EIF4G3: variants seen among roughly 807,000 people sequenced by gnomAD.
EIF4G3 encodes eIF-4-gamma 3.
In EIF4G3, 34 loss-of-function variants were observed where a neutral mutation model predicts 186.4. The observed-to-expected ratio is 0.18, with a 90% CI of 0.14 to 0.24. The LOEUF (loss-of-function observed/expected upper bound fraction) is 0.24. Among genes scored for constraint, EIF4G3 ranks in the 10% least tolerant of loss-of-function variants. The pLI is 1.00. For missense variants in EIF4G3, 1,536 were observed against 1,948.5 expected, an observed-to-expected ratio of 0.79 and a Z score of 3.99; for synonymous variants, 673 against 679.5, an observed-to-expected ratio of 0.99 and a Z score of 0.15.
Position 20,941,814 on chromosome 1 carries a change from T to A in EIF4G3, c.1340A>T (p.Glu447Val). 1 of 1,613,932 alleles carries A rather than the reference T, an allele frequency of 6.2e-7. No individual in the cohort carries two copies. The change falls in exon 14 of 37, where the codon GAA becomes GTA. Residue 447 changes from glutamate to valine, a missense_variant. This residue lies in a region of EIF4G3 where 560 missense variants were observed against 547.8 expected (regional missense o/e 1.02). Transcript: ENST00000602326. ...CAGTTTCATTTCTTCTGGGGGATTT[T>A]CGAGAATCTCCAATTCAAGAGTCAA... ...LPLTLELEIL[E>V]NPPEEMKLEC...
At chr1:21,087,014 G>A (rs1273149484) in intron 3 of EIF4G3, among the ~76,000 whole-genome samples, 2 of 151,650 alleles carry the variant, frequency 1.3e-5, no homozygotes, top group Non-Finnish European at 2.9e-5. Flanking sequence ...TAAACACTAT[G>A]TATATGTAAC....
At chr1:21,079,144 C>T (rs1027176979) in intron 3 of EIF4G3, among the ~76,000 whole-genome samples, 5 of 152,116 alleles carry the variant, frequency 3.3e-5, no homozygotes, top group Non-Finnish European at 5.9e-5. Flanking sequence ...ATAGGACAAT[C>T]AAACAGATTT....
chr1:20,968,710 AC>A (rs1189954639), intron 12 of EIF4G3, among the ~76,000 whole-genome samples: 4 of 152,364 alleles, frequency 2.6e-5, no homozygotes, highest in African/African-American at 9.6e-5. Context: ...TTAGAAAAAA[AC>A]ATTTTTAAAT....
In EIF4G3 at chr1:21,058,719, C is replaced by CTTT. The variant is rs66576703; in HGVS notation, c.-195-7728_-195-7726dup. Among the ~76,000 whole-genome samples, 147 of 82,038 alleles carry CTTT rather than the reference C, an allele frequency of 1.8e-3. 10 individuals are homozygous for CTTT. Among genetic ancestry groups the CTTT allele is most frequent in the African/African-American group, 2.4e-3 (45 of 18,742 alleles). 53.8% of individuals were successfully genotyped at this position (82,038 alleles called of 152,430 possible). The stretch of plus-strand genomic sequence containing the variant: ...TTTTCTTCTTCTTCTCTCTCTCTCT[C>CTTT]TTTTTTTTTTTTTTTTTTTTTTTTT... On this transcript the variant is annotated intron_variant, in intron 3 of 36. Transcript: ENST00000602326.
chr1:21,108,837 A>C (rs903708394), intron 2 of EIF4G3, among the ~76,000 whole-genome samples: 1 of 139,296 alleles, frequency 7.2e-6, no homozygotes, highest in Non-Finnish European at 1.5e-5. Flanking sequence ...CGGGAGACAG[A>C]GGTCGCAGTG....
chr1:20,823,183 T>C (rs557284387), intron 33 of EIF4G3, among the ~76,000 whole-genome samples: 15 of 152,158 alleles, frequency 9.9e-5, no homozygotes. Context: ...TAGATTTGTA[T>C]ATTTTATCAC....
chr1:20,877,670 G>A (rs1057106576), intron 20 of EIF4G3, among the ~76,000 whole-genome samples: 37 of 151,984 alleles, frequency 2.4e-4, no homozygotes, highest in African/African-American at 8.2e-4. Flanking sequence ...GCCAAACACT[G>A]GGCTAGAAAT....
chr1:21,043,376 G>A (rs192489213), intron 4 of EIF4G3, among the ~76,000 whole-genome samples: 4 of 152,300 alleles, frequency 2.6e-5, no homozygotes, highest in Non-Finnish European at 1.5e-5. Context: ...TTCCAGCCAT[G>A]TGAATTTGCC....
chr1:20,975,221 G>A (rs1238863949), intron 10 of EIF4G3, among the ~76,000 whole-genome samples: 5 of 152,054 alleles, frequency 3.3e-5, no homozygotes, highest in Admixed American at 6.6e-5. Flanking sequence ...TAGCAATTAT[G>A]TGCTACTTTA....
chr1:20,881,457 T>C (rs937291708), intron 19 of EIF4G3, among the ~76,000 whole-genome samples: 2 of 152,110 alleles, frequency 1.3e-5, no homozygotes, highest in Admixed American at 6.6e-5. Flanking sequence ...AAAAGCACAA[T>C]CATGAAAGAA....
Position 20,851,548 on chromosome 1 carries a change from A to G in EIF4G3, c.3552-70T>C. 3 of 1,429,392 alleles carry G rather than the reference A, an allele frequency of 2.1e-6. No homozygotes were observed. The Admixed American group carries it at 5.7e-5, about 27-fold the overall frequency. The allele number at this position is 1,429,392 out of a possible 1,614,324, so 88.5% of individuals were successfully genotyped here. On this transcript the variant is annotated intron_variant, in intron 27 of 36. Transcript: ENST00000602326. ...GTCCCCCACATATTCAAATTATAAA[A>G]TAACACTAAGACTTTCTGAAAGTAT...
At chr1:20,917,236 C>T (rs1392358484) in intron 14 of EIF4G3, among the ~76,000 whole-genome samples, 1 of 152,196 alleles carries the variant, frequency 6.6e-6, no homozygotes, top group Non-Finnish European at 1.5e-5. Flanking sequence ...GTGGTTCATG[C>T]CTTTAATCCC....
intron 15 of EIF4G3, among the ~76,000 whole-genome samples, chr1:20,904,059 T>C (rs2091331291): frequency 6.6e-6 from 1 of 152,196 alleles, no homozygotes; most frequent in Non-Finnish European, 1.5e-5. Context: ...GTCCTTTTTC[T>C]TCCTCACATT....
At chr1:21,075,438 G>A (rs959792181) in intron 3 of EIF4G3, among the ~76,000 whole-genome samples, 1 of 151,702 alleles carries the variant, frequency 6.6e-6, no homozygotes, top group Non-Finnish European at 1.5e-5. Flanking sequence ...GCATGGTGGT[G>A]GGTGCCGGTA....
At chr1:20,849,388 GT>G in intron 29 of EIF4G3, 26 bp downstream of exon 29, 1 of 1,251,510 alleles carries the variant, frequency 8.0e-7, no homozygotes. Context: ...CTTACTGTGT[GT>G]GTGTTTTTTT....
intron 4 of EIF4G3, among the ~76,000 whole-genome samples, chr1:21,011,005 T>C (rs1570928100): frequency 6.6e-6 from 1 of 152,132 alleles, no homozygotes; most frequent in South Asian, 2.1e-4. Flanking sequence ...GTAAAATAAA[T>C]ACTAAGATGT....
At chr1:21,175,273 A>G (rs1309720162) in intron 2 of EIF4G3, 1 of 152,210 alleles carries the variant, frequency 6.6e-6, no homozygotes, top group Non-Finnish European at 1.5e-5. Flanking sequence ...GTTTTTGACT[A>G]AAATACCCCA....
chr1:21,135,560 A>C (rs9426655), intron 2 of EIF4G3, among the ~76,000 whole-genome samples: 4,953 of 152,324 alleles, frequency 0.033, 269 homozygotes, highest in African/African-American at 0.11. Context: ...TAGTCCACAC[A>C]GAATATTTTC....
intron 26 of EIF4G3, 90 bp from the exon 27 acceptor site, chr1:20,853,767 A>G: frequency 1.1e-6 from 1 of 903,928 alleles, no homozygotes; most frequent in Non-Finnish European, 1.8e-6. Flanking sequence ...GAGGCCTGAG[A>G]CCAGGCATTC....
Sources: allele counts gnomAD v4.1 joint callset (sites outside exome capture counted in the v4.1 genomes callset), GRCh38; gene constraint gnomAD v4.1.1; regional missense constraint gnomAD v4.1.1; transcripts MANE v1.5; gene names NCBI Gene and HGNC (gene_info 2026-07-23, HGNC 2026-07-21).